CPQ: variants seen among roughly 807,000 people sequenced by gnomAD.
The protein encoded by CPQ is Ser-Met dipeptidase.
CPQ carries 37 observed loss-of-function variants against 45.7 expected under a neutral mutation model. The ratio of observed to expected loss-of-function variants is 0.81; its 90% CI spans 0.62 to 1.07. CPQ has a LOEUF of 1.07. Ranked by LOEUF, CPQ falls within the 50% of genes least tolerant of loss-of-function variation. CPQ has a pLI of 0.00. For synonymous variants in CPQ, 186 were observed against 205.8 expected (o/e 0.90, Z 0.82); for missense variants, 537 against 572.9 (o/e 0.94, Z 0.64).
rs555725328 is a variant in CPQ, at chr8:96,718,111, C to CACTG, written c.-34-66752_-34-66749dup. On this transcript the variant is annotated intron_variant, in intron 1 of 7. Transcript: ENST00000220763. ...CCAGCCTGCCCTAGAAGCAGGGGCA[C>CACTG]ACTGCTTCTGTGCTTGTGGCTTCAG... 5.9e-5 allele frequency among the ~76,000 whole-genome samples: 9 copies of CACTG among 152,336 alleles called. No individual in the cohort carries two copies. In the East Asian group the frequency reaches 1.7e-3, roughly 29 times the overall value.
At chr8:96,868,795 T>A (rs143508075) in intron 3 of CPQ, among the ~76,000 whole-genome samples, 28 of 152,076 alleles carry the variant, frequency 1.8e-4, no homozygotes, top group African/African-American at 6.7e-4. Context: ...ATATAAAAAT[T>A]TTCATGTTTT....
rs114489698 is a variant in CPQ at position 96,753,479 on chromosome 8, G to A, written c.-34-31385G>A. 3.2e-3 allele frequency among the ~76,000 whole-genome samples: 493 copies of A among 151,920 alleles called. 5 individuals carry two copies. Among genetic ancestry groups the A allele is most frequent in the African/African-American group, 0.011 (475 of 41,454 alleles). ...GTTTTATTATGTAGTCTACCTCTCC[G>A]GGAGCATATTTTATCTTTCCATTTG... On this transcript the variant is annotated intron_variant, in intron 1 of 7. Coordinates refer to ENST00000220763, the MANE Select transcript of CPQ (RefSeq NM_016134.4).
intron 1 of CPQ, among the ~76,000 whole-genome samples, chr8:96,661,821 A>C (rs1041288813): frequency 6.6e-6 from 1 of 152,160 alleles, no homozygotes; most frequent in South Asian, 2.1e-4. Flanking sequence ...CCATTGCTGG[A>C]TTGTATGTTA....
chr8:96,784,913 T>G lies in CPQ; in HGVS notation c.16T>G (p.Phe6Val). Residue 6 changes from phenylalanine (F) to valine (V), a missense_variant, in exon 2 of 8, where the codon TTC becomes GTC. Phe to Val is a conservative substitution (Grantham distance 50, BLOSUM62 -1). Transcript: ENST00000220763. The part of the protein sequence containing the change: MKFLI[F>V]AFFGGVHLLS... ...GGAAAAAAAAATGAAATTCCTTATC[T>G]TCGCATTTTTCGGTGGTGTTCACCT... is the stretch of plus-strand genomic sequence containing the variant. 6.3e-7 allele frequency: 1 copy of G among 1,599,362 alleles called. No homozygotes were observed. Among genetic ancestry groups the G allele is most frequent in the Non-Finnish European group, 8.5e-7 (1 of 1,174,090 alleles).
intron 1 of CPQ, among the ~76,000 whole-genome samples, chr8:96,738,594 A>G (rs967811226): frequency 5.3e-5 from 8 of 151,996 alleles, no homozygotes; most frequent in East Asian, 1.9e-4. Context: ...ATATCTCCCA[A>G]TGCTATCCCT....
chr8:96,987,050 C>T (rs998890645), intron 5 of CPQ, among the ~76,000 whole-genome samples: 9 of 152,028 alleles, frequency 5.9e-5, no homozygotes, highest in Non-Finnish European at 1.2e-4. Flanking sequence ...GAAATGGGCA[C>T]GTGTGCATCT....
At chr8:96,778,090 A>G (rs764295719) in intron 1 of CPQ, among the ~76,000 whole-genome samples, 5 of 151,724 alleles carry the variant, frequency 3.3e-5, no homozygotes, top group Non-Finnish European at 7.4e-5. Context: ...TTCTGTCTAT[A>G]TATTTCATTA....
At chr8:96,996,409 C>T (rs558299181) in intron 5 of CPQ, among the ~76,000 whole-genome samples, 1 of 152,114 alleles carries the variant, frequency 6.6e-6, no homozygotes, top group South Asian at 2.1e-4. Flanking sequence ...GTTTAGATAA[C>T]ATGACCACCA....
intron 5 of CPQ, among the ~76,000 whole-genome samples, chr8:96,972,253 G>A (rs1314173441): frequency 2.0e-5 from 3 of 152,108 alleles, no homozygotes; most frequent in African/African-American, 7.2e-5. Context: ...CACCTCCCTG[G>A]CAACTTGTAT....
At chr8:96,817,856 T>C (rs576198549) in intron 2 of CPQ, among the ~76,000 whole-genome samples, 1 of 151,958 alleles carries the variant, frequency 6.6e-6, no homozygotes, top group East Asian at 1.9e-4. Flanking sequence ...TTCAAGCAAT[T>C]CTCCTACCTT....
intron 3 of CPQ, among the ~76,000 whole-genome samples, chr8:96,844,929 G>A (rs1449851486): frequency 2.0e-5 from 3 of 152,166 alleles, no homozygotes; most frequent in Non-Finnish European, 2.9e-5. Flanking sequence ...CTTGCAAGCT[G>A]TACCAAAGTT....
intron 5 of CPQ, among the ~76,000 whole-genome samples, chr8:97,021,253 C>T (rs1054351952): frequency 1.3e-5 from 2 of 152,102 alleles, no homozygotes; most frequent in Admixed American, 6.5e-5. Flanking sequence ...ATGACAAACC[C>T]ACAGCCAACA....
At chr8:96,909,266 A>G (rs1812624180) in intron 4 of CPQ, among the ~76,000 whole-genome samples, 1 of 151,946 alleles carries the variant, frequency 6.6e-6, no homozygotes, top group Admixed American at 6.6e-5. Context: ...GATTGTTTTA[A>G]TGGCCACTCC....
At chr8:96,991,880 A>G (rs1010723388) in intron 5 of CPQ, among the ~76,000 whole-genome samples, 1 of 152,146 alleles carries the variant, frequency 6.6e-6, no homozygotes, top group East Asian at 1.9e-4. Context: ...TCCACTCTCC[A>G]TCATTGAGAA....
At chr8:96,756,424 T>C (rs1271478982) in intron 1 of CPQ, among the ~76,000 whole-genome samples, 2 of 152,124 alleles carry the variant, frequency 1.3e-5, no homozygotes, top group South Asian at 2.1e-4. Flanking sequence ...CTAATTCTAA[T>C]TAAATTTTCT....
intron 1 of CPQ, among the ~76,000 whole-genome samples, chr8:96,710,771 G>T (rs1002191798): frequency 6.6e-6 from 1 of 152,114 alleles, no homozygotes; most frequent in Non-Finnish European, 1.5e-5. Context: ...ATGTCATATG[G>T]TCTATCTTGG....
At chr8:96,868,240 T>A (rs1170326182) in intron 3 of CPQ, among the ~76,000 whole-genome samples, 14 of 152,044 alleles carry the variant, frequency 9.2e-5, no homozygotes, top group Non-Finnish European at 1.5e-5. Flanking sequence ...GTGAGTGAAA[T>A]CTTAGGGGCT....
chr8:96,850,657 T>TAG (rs1348921337), intron 3 of CPQ, among the ~76,000 whole-genome samples: 1 of 151,674 alleles, frequency 6.6e-6, no homozygotes, highest in Non-Finnish European at 1.5e-5. Context: ...TTGCCCAGGC[T>TAG]AGAGTGCAGC....
At chr8:96,930,213 G>A (rs1812954165) in intron 4 of CPQ, among the ~76,000 whole-genome samples, 2 of 152,206 alleles carry the variant, frequency 1.3e-5, no homozygotes, top group Non-Finnish European at 2.9e-5. Flanking sequence ...CAAAGAGGGA[G>A]CCATGTTTCT....
Sources: gnomAD v4.1 joint callset for allele counts (sites outside exome capture counted in the v4.1 genomes callset) on GRCh38, gnomAD v4.1.1 for gene constraint, MANE v1.5 for transcripts, NCBI Gene and HGNC (gene_info 2026-07-23, HGNC 2026-07-21) for gene names.